GTF2A1L: variants seen among roughly 807,000 people sequenced by gnomAD.
GTF2A1L encodes the protein TFIIA-alpha and beta-like factor.
Under a neutral mutation model 49.7 loss-of-function variants are expected in GTF2A1L, and 48 were observed. The ratio of observed to expected loss-of-function variants is 0.97; its 90% CI spans 0.77 to 1.23. GTF2A1L has a LOEUF of 1.23. Among genes scored for constraint, GTF2A1L ranks in the 50% most tolerant of loss-of-function variants. The pLI is 0.00. For missense variants in GTF2A1L, 736 were observed against 564.8 expected, an observed-to-expected ratio of 1.30 and a Z score of -3.07; for synonymous variants, 246 against 193.5, an observed-to-expected ratio of 1.27 and a Z score of -2.25.
intron 3 of GTF2A1L, among the ~76,000 whole-genome samples, chr2:48,639,346 C>G (rs1355307303): frequency 2.0e-5 from 3 of 152,042 alleles, no homozygotes; most frequent in African/African-American, 7.2e-5. Flanking sequence ...CTGGTACAAA[C>G]AGACCCATAG....
intron 3 of GTF2A1L, among the ~76,000 whole-genome samples, chr2:48,623,867 A>G (rs1219128998): frequency 2.0e-5 from 3 of 152,336 alleles, no homozygotes; most frequent in South Asian, 2.1e-4. Flanking sequence ...CATTGGGTAC[A>G]TACAGACAGA....
At chr2:48,679,221 A>G (rs1464728) in intron 8 of GTF2A1L, 114 bp from the exon 9 acceptor site, 1,240,874 of 1,372,426 alleles carry the variant, frequency 0.9, 562,002 homozygotes, top group East Asian at 1. Flanking sequence ...GGAGATTTTA[A>G]TTTTAAGGCA....
At chr2:48,667,224 GC>G (rs927862787) in intron 6 of GTF2A1L, among the ~76,000 whole-genome samples, 5 of 151,738 alleles carry the variant, frequency 3.3e-5, no homozygotes, top group African/African-American at 1.2e-4. Flanking sequence ...GTCCCAAAGT[GC>G]TGGGATTACA....
intron 4 of GTF2A1L, among the ~76,000 whole-genome samples, chr2:48,644,361 T>TA (rs1405279004): frequency 6.6e-6 from 1 of 152,222 alleles, no homozygotes; most frequent in East Asian, 1.9e-4. Flanking sequence ...TCTAATTTAG[T>TA]AATATAGATG....
chr2:48,625,325 C>T (rs1676237189), intron 3 of GTF2A1L, among the ~76,000 whole-genome samples: 1 of 143,616 alleles, frequency 7.0e-6, no homozygotes, highest in Admixed American at 7.1e-5. Context: ...TGTTGAGCAC[C>T]TTTTTGTATA....
intron 5 of GTF2A1L, 124 bp from the exon 6 acceptor site, chr2:48,646,329 C>A: frequency 1.2e-6 from 1 of 808,834 alleles, no homozygotes; most frequent in Non-Finnish European, 1.8e-6. Flanking sequence ...GAGATAACCA[C>A]CATTAACATA....
At chr2:48,641,384 TA>T (rs1237586669) in intron 3 of GTF2A1L, among the ~76,000 whole-genome samples, 1 of 152,174 alleles carries the variant, frequency 6.6e-6, no homozygotes, top group Non-Finnish European at 1.5e-5. Flanking sequence ...ATGGTTAGTT[TA>T]AAAAAATGTT....
chr2:48,630,851 T>C (rs1676530070), intron 3 of GTF2A1L, among the ~76,000 whole-genome samples: 2 of 152,204 alleles, frequency 1.3e-5, no homozygotes, highest in African/African-American at 4.8e-5. Context: ...AAAAGCTTTT[T>C]CCATGTATAT....
chr2:48,647,567 C>G (rs1271115454), intron 6 of GTF2A1L, among the ~76,000 whole-genome samples: 1 of 151,888 alleles, frequency 6.6e-6, no homozygotes, highest in Non-Finnish European at 1.5e-5. Flanking sequence ...ATGTAATATA[C>G]AAAAGAAGCC....
At position 48,645,738 on chromosome 2, in the gene GTF2A1L, T is replaced by C. The variant is rs909423464; in HGVS notation, c.388+621T>C. On this transcript the variant is annotated intron_variant, in intron 5 of 8. Transcript: ENST00000403751. ...ATCTCTGCTCACTGCAAGCTCCGCC[T>C]CCTGGGTTCACGCCATTCTCCTGCC... Among the ~76,000 whole-genome samples, 8 of 152,214 alleles carry C rather than the reference T, an allele frequency of 5.3e-5. No homozygotes were observed. In the South Asian group the frequency reaches 6.2e-4, roughly 12 times the overall value.
chr2:48,675,518 A>G (rs1237170551), intron 8 of GTF2A1L, among the ~76,000 whole-genome samples: 1 of 152,110 alleles, frequency 6.6e-6, no homozygotes, highest in East Asian at 1.9e-4. Flanking sequence ...TGGTTTACAT[A>G]CTGGGTGAGA....
intron 8 of GTF2A1L, 28 bp downstream of exon 8, chr2:48,671,708 GTTTA>G (rs748127021): frequency 8.2e-6 from 13 of 1,586,186 alleles, no homozygotes; most frequent in Non-Finnish European, 1.1e-5. Flanking sequence ...TGGACTTTGG[GTTTA>G]TTAACTGCAT....
intron 3 of GTF2A1L, among the ~76,000 whole-genome samples, chr2:48,624,132 A>G (rs1278331645): frequency 2.8e-5 from 3 of 106,472 alleles, no homozygotes; most frequent in Non-Finnish European, 4.7e-5. Context: ...TCAGTTCTCT[A>G]CTTTGTTTGG....
chr2:48,652,495 A>G (rs1406216171), intron 6 of GTF2A1L, among the ~76,000 whole-genome samples: 2 of 151,260 alleles, frequency 1.3e-5, no homozygotes, highest in African/African-American at 2.4e-5. Flanking sequence ...AGGCACCTGT[A>G]ATCCCAGCTA....
intron 6 of GTF2A1L, among the ~76,000 whole-genome samples, chr2:48,666,615 G>GTT (rs1678860894): frequency 8.2e-6 from 1 of 121,960 alleles, no homozygotes; most frequent in Non-Finnish European, 1.9e-5. Flanking sequence ...GTGTGTGTTT[G>GTT]TGTGTGTGTG....
At chr2:48,655,034 A>G (rs1302067215) in intron 6 of GTF2A1L, among the ~76,000 whole-genome samples, 1 of 152,194 alleles carries the variant, frequency 6.6e-6, no homozygotes, top group East Asian at 1.9e-4. Context: ...TTCTAAAAAG[A>G]AAAATTGCTA....
At chr2:48,652,982 C>T (rs1316193271) in intron 6 of GTF2A1L, among the ~76,000 whole-genome samples, 1 of 151,944 alleles carries the variant, frequency 6.6e-6, no homozygotes, top group African/African-American at 2.4e-5. Context: ...GTAATCCCAG[C>T]ACTTTGGGAG....
intron 6 of GTF2A1L, 96 bp from the exon 7 acceptor site, chr2:48,669,626 G>A (rs1324099350): frequency 6.9e-7 from 1 of 1,452,016 alleles, no homozygotes; most frequent in African/African-American, 1.4e-5. Context: ...TGCTTGAACT[G>A]ACCATTTGTG....
At chr2:48,646,342 G>A in intron 5 of GTF2A1L, 111 bp from the exon 6 acceptor site, 2 of 939,256 alleles carry the variant, frequency 2.1e-6, no homozygotes, top group Non-Finnish European at 3.0e-6. Flanking sequence ...TTAACATATT[G>A]GTGTATTTTT....
Sources: gnomAD v4.1 joint callset for allele counts (sites outside exome capture counted in the v4.1 genomes callset) on GRCh38, gnomAD v4.1.1 for gene constraint, MANE v1.5 for transcripts, NCBI Gene and HGNC (gene_info 2026-07-23, HGNC 2026-07-21) for gene names.